Variants in PTPRN2 observed in about 807,000 individuals in gnomAD.
The protein encoded by PTPRN2 is protein tyrosine phosphatase receptor type N2.
In PTPRN2, 74 loss-of-function variants were observed where a neutral mutation model predicts 118.8. That is an observed-to-expected ratio of 0.62 (90% CI 0.52 to 0.76). PTPRN2 has a LOEUF of 0.76. Ranked by LOEUF, PTPRN2 falls within the 30% of genes least tolerant of loss-of-function variation. The pLI, the probability that PTPRN2 is intolerant of heterozygous loss-of-function variation, is 0.00. For missense variants in PTPRN2, 1,481 were observed against 1,394.4 expected (o/e 1.06, Z -0.99); for synonymous variants, 641 against 608.0 (o/e 1.05, Z -0.80).
intron 1 of PTPRN2, among the ~76,000 whole-genome samples, chr7:158,552,320 GGTGGGGCTCCAGTACATGCATTT>G (rs1826712473): frequency 6.6e-6 from 1 of 150,942 alleles, no homozygotes. Flanking sequence ...ACCCCATTGG[GGTGGGGCTCCAGTACATGCATTT>G]GGGGGGCCCC....
chr7:158,330,581 G>C (rs865912758), intron 2 of PTPRN2, among the ~76,000 whole-genome samples: 67 of 1,824 alleles, frequency 0.037, no homozygotes, highest in Non-Finnish European at 0.04. Context: ...ACCCTAAGAG[G>C]TGACATCTGC....
chr7:157,603,492 A>C lies in PTPRN2; in HGVS notation c.2418+510T>G, dbSNP rs957055863. Among the ~76,000 whole-genome samples, 9 of 152,186 alleles carry C rather than the reference A, an allele frequency of 5.9e-5. No individual in the cohort carries two copies. The highest frequency in any genetic ancestry group is 1.3e-4 in the Non-Finnish European group (9 of 68,026). On this transcript the variant is annotated intron_variant, in intron 16 of 22. Transcript: ENST00000389418. This position sits in a 1 kb window ranked among gnomAD's most constrained non-coding sequence, Gnocchi z 5.4. ...TCTCCACTGCACCTGCGTCTATCCC[A>C]GGGGGAGGAACAGCCAGCAAACGGT...
chr7:157,781,832 C>T (rs567944073), intron 12 of PTPRN2, among the ~76,000 whole-genome samples: 97 of 152,378 alleles, frequency 6.4e-4, no homozygotes, highest in Middle Eastern at 6.8e-3. Flanking sequence ...CCACTGCTGT[C>T]GCTGACTTCT....
At chr7:157,807,886 C>A (rs553463494) in intron 12 of PTPRN2, among the ~76,000 whole-genome samples, 1 of 152,206 alleles carries the variant, frequency 6.6e-6, no homozygotes, top group African/African-American at 2.4e-5. Context: ...TGGATGTTTA[C>A]GTGGGTTACC....
At chr7:158,258,928 C>T (rs1004917974) in intron 3 of PTPRN2, among the ~76,000 whole-genome samples, 1 of 152,040 alleles carries the variant, frequency 6.6e-6, no homozygotes, top group African/African-American at 2.4e-5. Flanking sequence ...GGCTAGGAGA[C>T]GAATGTGGAA....
intron 11 of PTPRN2, among the ~76,000 whole-genome samples, chr7:158,071,667 G>GTGGTGGAGGTGCTCC (rs1475709972): frequency 2.3e-5 from 3 of 129,480 alleles, no homozygotes; most frequent in Non-Finnish European, 1.8e-5. Context: ...GGTGCTCGTG[G>GTGGTGGAGGTGCTCC]TGGTGGAGGT....
rs115533633 is a variant in PTPRN2, at chr7:158,265,428, G to C, written c.277+51391C>G. On this transcript the variant is annotated intron_variant, in intron 3 of 22. Coordinates refer to ENST00000389418, the MANE Select transcript of PTPRN2 (RefSeq NM_002847.5). ...GGCACACACCTGTGGGCACACACCT[G>C]TGGGCACACCTGCAGGCAGGTACAC... Among the ~76,000 whole-genome samples the C allele has an allele frequency of 8.3e-3, 1,259 of 151,054 alleles. 14 individuals carry two copies. The highest frequency in any genetic ancestry group is 0.029 in the African/African-American group (1,183 of 41,328).
intron 1 of PTPRN2, among the ~76,000 whole-genome samples, chr7:158,514,020 A>G (rs1304611171): frequency 6.6e-6 from 1 of 152,230 alleles, no homozygotes; most frequent in African/African-American, 2.4e-5. Flanking sequence ...ATGACTGCAC[A>G]GGTCTGTCTT....
chr7:158,108,821 G>C (rs1815915788), intron 10 of PTPRN2, among the ~76,000 whole-genome samples: 1 of 152,256 alleles, frequency 6.6e-6, no homozygotes, highest in African/African-American at 2.4e-5. Context: ...TATCTCAAAG[G>C]GGATGCCCAG....
At chr7:157,701,710 C>T (rs554783132) in intron 12 of PTPRN2, among the ~76,000 whole-genome samples, 1 of 152,256 alleles carries the variant, frequency 6.6e-6, no homozygotes, top group Non-Finnish European at 1.5e-5. Flanking sequence ...AAGCTTCTCA[C>T]TCTTAACTGA....
rs111403010 is a variant in PTPRN2, at chr7:158,131,127, C to T, written c.1556+2550G>A. Among the ~76,000 whole-genome samples, 599 of 110,932 alleles carry T rather than the reference C, an allele frequency of 5.4e-3. 6 individuals carry two copies. The highest frequency in any genetic ancestry group is 0.021 in the African/African-American group (502 of 23,734). 72.8% of individuals were successfully genotyped at this position (110,932 alleles called of 152,430 possible). On this transcript the variant is annotated intron_variant, in intron 9 of 22. Coordinates refer to ENST00000389418, the MANE Select transcript of PTPRN2 (RefSeq NM_002847.5). ...CACATCTACCAAACACACACTCATA[C>T]GCACATACACACATACACACACAAA...
At chr7:158,558,352 CA>C (rs1827180121) in intron 1 of PTPRN2, among the ~76,000 whole-genome samples, 3 of 152,186 alleles carry the variant, frequency 2.0e-5, no homozygotes, top group South Asian at 4.1e-4. Flanking sequence ...TAGTAGACTC[CA>C]AATGTATTGT....
intron 6 of PTPRN2, among the ~76,000 whole-genome samples, chr7:158,157,812 G>C (rs1164731858): frequency 6.6e-6 from 1 of 152,228 alleles, no homozygotes; most frequent in African/African-American, 2.4e-5. Flanking sequence ...CGCTGCTGCT[G>C]ACTCCACGGT....
intron 6 of PTPRN2, among the ~76,000 whole-genome samples, chr7:158,160,298 G>T (rs1012983661): frequency 7.2e-5 from 11 of 152,242 alleles, no homozygotes; most frequent in Non-Finnish European, 2.9e-5. Context: ...GTTGGTGGGC[G>T]GGCACTGTCC....
chr7:158,571,518 CCTATTT>C (rs1315370996), intron 1 of PTPRN2, among the ~76,000 whole-genome samples: 3 of 140,184 alleles, frequency 2.1e-5, no homozygotes, highest in Non-Finnish European at 3.0e-5. Flanking sequence ...AAAACACACA[CCTATTT>C]CTTTTTTTTT....
At chr7:157,544,149 A>G (rs956373645) in intron 22 of PTPRN2, among the ~76,000 whole-genome samples, 8 of 145,398 alleles carry the variant, frequency 5.5e-5, no homozygotes, top group East Asian at 4.6e-4. Flanking sequence ...GCGGAGAGAG[A>G]CGGAGAGAGG....
chr7:158,166,605 T>C (rs1305879801), intron 6 of PTPRN2, among the ~76,000 whole-genome samples: 1 of 145,622 alleles, frequency 6.9e-6, no homozygotes, highest in Non-Finnish European at 1.5e-5. Context: ...ACCCTCAGGA[T>C]CACCTCCCCT....
chr7:157,636,778 A>C (rs1170484435), intron 14 of PTPRN2, among the ~76,000 whole-genome samples: 1 of 152,262 alleles, frequency 6.6e-6, no homozygotes, highest in Non-Finnish European at 1.5e-5. Flanking sequence ...CATTCTAAAC[A>C]GATTAAACTC....
intron 2 of PTPRN2, among the ~76,000 whole-genome samples, chr7:158,486,242 C>T (rs139618582): frequency 3.3e-4 from 50 of 152,350 alleles, no homozygotes; most frequent in South Asian, 6.2e-4. Flanking sequence ...TCACGTCAGG[C>T]CATGCTCCCA....
Sources: gnomAD v4.1 joint callset for allele counts (sites outside exome capture counted in the v4.1 genomes callset) on GRCh38, gnomAD v4.1.1 for gene constraint, Gnocchi (gnomAD v3.1) non-coding constraint, MANE v1.5 for transcripts, NCBI Gene and HGNC (gene_info 2026-07-23, HGNC 2026-07-21) for gene names.